Variants in TENM4 observed in about 807,000 individuals in gnomAD.
TENM4 encodes teneurin-4.
A neutral mutation model predicts 243.3 loss-of-function variants in TENM4; 82 were observed. The observed-to-expected ratio is 0.34, with a 90% CI of 0.28 to 0.40. The LOEUF (loss-of-function observed/expected upper bound fraction) is 0.40. TENM4 is among the 10% of genes least tolerant of loss of function. The probability of loss-of-function intolerance (pLI) is 1.00; values close to 1 mark genes in which losing one functional copy is unlikely to be tolerated. For missense variants in TENM4, 3,138 were observed against 3,673.3 expected (o/e 0.85, Z 3.77); for synonymous variants, 1,412 against 1,456.3 (o/e 0.97, Z 0.69).
intron 6 of TENM4, among the ~76,000 whole-genome samples, chr11:79,051,548 G>T (rs1382019425): frequency 4.6e-5 from 7 of 152,182 alleles, no homozygotes; most frequent in African/African-American, 9.7e-5. Context: ...TAAGAGCTTT[G>T]GATTTGGATA....
chr11:78,971,881 A>T (rs1332339337), intron 6 of TENM4, among the ~76,000 whole-genome samples: 2 of 152,204 alleles, frequency 1.3e-5, no homozygotes, highest in African/African-American at 4.8e-5. Context: ...TATCACACAG[A>T]TATTGTAAGA....
intron 6 of TENM4, among the ~76,000 whole-genome samples, chr11:78,908,681 C>T (rs1347590449): frequency 6.6e-6 from 1 of 152,210 alleles, no homozygotes; most frequent in Non-Finnish European, 1.5e-5. Context: ...AGCCCTGACA[C>T]TCAGAATAAA....
chr11:79,116,556 G>A (rs940578684), intron 4 of TENM4, among the ~76,000 whole-genome samples: 1 of 152,168 alleles, frequency 6.6e-6, no homozygotes, highest in Non-Finnish European at 1.5e-5. Context: ...AAGGATTATT[G>A]TTGAAAATGC....
chr11:79,354,495 C>A (rs1385525006), intron 1 of TENM4, among the ~76,000 whole-genome samples: 2 of 152,204 alleles, frequency 1.3e-5, no homozygotes, highest in Non-Finnish European at 2.9e-5. Context: ...CCTAGGAATG[C>A]AAGCACAGGT....
At chr11:79,213,995 A>AT (rs34436159) in intron 3 of TENM4, among the ~76,000 whole-genome samples, 251 of 144,736 alleles carry the variant, frequency 1.7e-3, no homozygotes, top group East Asian at 3.4e-3. Context: ...CAAAAAATAA[A>AT]TTTTTTTTTT....
At position 79,069,627 on chromosome 11, in the gene TENM4, TGCCACGCCCACCTGC is replaced by T. The variant is rs921082857; in HGVS notation, c.223+80_223+94del. The T allele has an allele frequency of 1.3e-4, 185 of 1,435,480 alleles. No homozygotes were observed. In the African/African-American group the frequency reaches 2.3e-3, roughly 18 times the overall value. 88.9% of individuals were successfully genotyped at this position (1,435,480 alleles called of 1,614,324 possible). On this transcript the variant is annotated intron_variant, in intron 5 of 33. Coordinates refer to ENST00000278550, the MANE Select transcript of TENM4 (RefSeq NM_001098816.3). ...CCCAACTGGTGTTCCAGCTCACCTG[TGCCACGCCCACCTGC>T]GCCACGCCCACCCGAGCCCATGCCT...
At chr11:79,154,914 G>A (rs1233598085) in intron 3 of TENM4, among the ~76,000 whole-genome samples, 1 of 152,182 alleles carries the variant, frequency 6.6e-6, no homozygotes, top group Non-Finnish European at 1.5e-5. Flanking sequence ...TTTGTTCACT[G>A]CTCTGGACCA....
chr11:78,657,786 ATCC>A lies in TENM4; in HGVS notation c.*269_*271del, dbSNP rs1857931507. On this transcript the variant is annotated 3_prime_UTR_variant, in exon 34 of 34. Coordinates refer to ENST00000278550, the MANE Select transcript of TENM4 (RefSeq NM_001098816.3). ...ACATACCCCAAACGACAAGGGAAAAATCCTCAAGGAAAAAGGGAACAAAAGACA... is the reference window on the plus strand; with the variant it reads ...ACATACCCCAAACGACAAGGGAAAAATCAAGGAAAAAGGGAACAAAAGACA... 1 of 547,308 alleles carries A rather than the reference ATCC, an allele frequency of 1.8e-6. No individual in the cohort carries two copies. Among genetic ancestry groups the A allele is most frequent in the African/African-American group, 1.9e-5 (1 of 52,670 alleles). The allele number at this position is 547,308 out of a possible 1,614,324, so 33.9% of individuals were successfully genotyped here.
intron 1 of TENM4, among the ~76,000 whole-genome samples, chr11:79,301,306 C>G (rs190482622): frequency 1.9e-3 from 290 of 152,308 alleles, no homozygotes; most frequent in African/African-American, 6.7e-3. Flanking sequence ...GCAGATACAT[C>G]CATCTGCCCC....
chr11:79,267,391 A>C (rs1855900315), intron 2 of TENM4, among the ~76,000 whole-genome samples: 1 of 152,216 alleles, frequency 6.6e-6, no homozygotes, highest in Non-Finnish European at 1.5e-5. Flanking sequence ...ATATGAGAAG[A>C]ATGCCAGAAA....
chr11:78,906,257 G>A (rs1856062019), intron 6 of TENM4, among the ~76,000 whole-genome samples: 2 of 152,218 alleles, frequency 1.3e-5, no homozygotes. Context: ...TTACAGATGA[G>A]GACGCTGAGG....
intron 18 of TENM4, among the ~76,000 whole-genome samples, chr11:78,768,493 T>C (rs1856585515): frequency 6.6e-6 from 1 of 152,252 alleles, no homozygotes; most frequent in Middle Eastern, 3.4e-3. Flanking sequence ...TACTTGCTGT[T>C]TCTCTCTCTC....
intron 12 of TENM4, among the ~76,000 whole-genome samples, chr11:78,836,692 G>C (rs1409640700): frequency 2.0e-5 from 3 of 152,114 alleles, no homozygotes; most frequent in African/African-American, 7.2e-5. Flanking sequence ...TGAATCCTCA[G>C]TAAGCCTTCT....
At chr11:79,285,681 G>T (rs1254424858) in intron 2 of TENM4, among the ~76,000 whole-genome samples, 5 of 151,844 alleles carry the variant, frequency 3.3e-5, no homozygotes, top group Admixed American at 6.6e-5. Flanking sequence ...ATGGGTGTTG[G>T]TGTATCAAGA....
At chr11:79,153,455 A>G (rs1862547360) in intron 3 of TENM4, among the ~76,000 whole-genome samples, 1 of 152,072 alleles carries the variant, frequency 6.6e-6, no homozygotes, top group Non-Finnish European at 1.5e-5. Context: ...GTCTGGGCAG[A>G]GGCAAGTCAC....
At chr11:78,787,644 G>GT (rs1233103165) in intron 15 of TENM4, among the ~76,000 whole-genome samples, 1 of 152,168 alleles carries the variant, frequency 6.6e-6, no homozygotes, top group Non-Finnish European at 1.5e-5. Context: ...AACCCCATGA[G>GT]TATACTCTAG....
At chr11:79,123,515 C>T (rs191109708) in intron 4 of TENM4, among the ~76,000 whole-genome samples, 26 of 151,960 alleles carry the variant, frequency 1.7e-4, no homozygotes, top group African/African-American at 3.6e-4. Context: ...TACACTTGGA[C>T]GACACCCTGC....
chr11:79,114,945 T>G (rs1008832192), intron 4 of TENM4, among the ~76,000 whole-genome samples: 1 of 152,208 alleles, frequency 6.6e-6, no homozygotes, highest in Non-Finnish European at 1.5e-5. Flanking sequence ...ATTAAGCATC[T>G]TGAGCACTCT....
intron 3 of TENM4, among the ~76,000 whole-genome samples, chr11:79,182,095 T>G (rs1863294077): frequency 6.6e-6 from 1 of 152,032 alleles, no homozygotes; most frequent in South Asian, 2.1e-4. Flanking sequence ...ACAAAATGAG[T>G]CTATACTTGA....
Sources: gnomAD v4.1 joint callset for allele counts (sites outside exome capture counted in the v4.1 genomes callset) on GRCh38, gnomAD v4.1.1 for gene constraint, MANE v1.5 for transcripts, NCBI Gene and HGNC (gene_info 2026-07-23, HGNC 2026-07-21) for gene names.